SLC9A2: variants seen among roughly 807,000 people sequenced by gnomAD.
SLC9A2 encodes the protein solute carrier family 9 member A2.
A neutral mutation model predicts 71.7 loss-of-function variants in SLC9A2; 42 were observed. That is an observed-to-expected ratio of 0.59 (90% CI 0.46 to 0.76). The LOEUF (loss-of-function observed/expected upper bound fraction) is 0.76, where lower values mean the gene tolerates loss of function less well. SLC9A2 is among the 30% of genes least tolerant of loss of function. SLC9A2 has a pLI of 0.00. For missense variants in SLC9A2, 829 were observed against 1,017.4 expected (o/e 0.81, Z 2.52); for synonymous variants, 396 against 392.5 (o/e 1.01, Z -0.10).
rs61740600 is a variant in SLC9A2 at position 102,657,610 on chromosome 2, C to T, written c.336C>T (p.Cys112=). 1.5e-5 allele frequency: 25 copies of T among 1,613,942 alleles called. No individual in the cohort carries two copies. In the African/African-American group the frequency reaches 2.5e-4, roughly 16 times the overall value. ...HKLPTIVPES[C]LLIMVGLLLG... ...TGCCCACAATAGTGCCTGAGAGCTGCCTTCTTATAATGGTTGGACTTCTAC... is the reference window on the plus strand; with the variant it reads ...TGCCCACAATAGTGCCTGAGAGCTGTCTTCTTATAATGGTTGGACTTCTAC... The change falls in exon 2 of 12, where the codon TGC becomes TGT. Residue 112 remains cysteine, a synonymous_variant. Coordinates refer to ENST00000233969, the MANE Select transcript of SLC9A2 (RefSeq NM_003048.6).
intron 3 of SLC9A2, among the ~76,000 whole-genome samples, chr2:102,679,427 G>T (rs1677407111): frequency 6.6e-6 from 1 of 151,458 alleles, no homozygotes; most frequent in Admixed American, 6.6e-5. Flanking sequence ...GGTTGCCCAG[G>T]CTGGAGTGCA....
intron 1 of SLC9A2, among the ~76,000 whole-genome samples, chr2:102,624,732 T>A (rs184096077): frequency 7.2e-5 from 11 of 152,246 alleles, no homozygotes; most frequent in Admixed American, 7.2e-4. Flanking sequence ...TAAGTTGGAG[T>A]AAGATGCAGA....
chr2:102,661,814 C>T (rs79737239), intron 2 of SLC9A2, among the ~76,000 whole-genome samples: 2,292 of 152,212 alleles, frequency 0.015, 54 homozygotes, highest in African/African-American at 0.05. Context: ...AACTTTGCAC[C>T]GACTCACTAG....
chr2:102,641,473 G>C (rs17775404), intron 1 of SLC9A2, among the ~76,000 whole-genome samples: 1 of 151,240 alleles, frequency 6.6e-6, no homozygotes, highest in Non-Finnish European at 1.5e-5. Context: ...TGCACGTGCC[G>C]TTCTGCTTGA....
intron 1 of SLC9A2, among the ~76,000 whole-genome samples, chr2:102,622,326 G>T (rs897935850): frequency 2.1e-4 from 32 of 152,026 alleles, no homozygotes; most frequent in African/African-American, 7.5e-4. Context: ...CCTGTTCCCT[G>T]TCACTCTCTC....
intron 1 of SLC9A2, among the ~76,000 whole-genome samples, chr2:102,640,888 A>G (rs1487250559): frequency 6.6e-6 from 1 of 152,176 alleles, no homozygotes; most frequent in African/African-American, 2.4e-5. Context: ...TACAAAAGAC[A>G]CTTATCACTC....
Position 102,707,295 on chromosome 2 carries a change from C to CT in SLC9A2, c.2069-817dup, listed in dbSNP as rs1186668605. Among the ~76,000 whole-genome samples, 14 of 70,830 alleles carry CT rather than the reference C, an allele frequency of 2.0e-4. 1 individual carries two copies. Among genetic ancestry groups the CT allele is most frequent in the African/African-American group, 5.2e-4 (11 of 20,968 alleles). 46.5% of individuals were successfully genotyped at this position (70,830 alleles called of 152,430 possible). A position where few individuals can be genotyped will look rare whatever the true frequency, so the allele number is the denominator to read the frequency against. ...GTGGGATGGAAAAATCATTACCCCT[C>CT]TTTTTTTATTTTTTTTTTTTTGCTT... is the stretch of plus-strand genomic sequence containing the variant. On this transcript the variant is annotated intron_variant, in intron 11 of 11. Coordinates refer to ENST00000233969, the MANE Select transcript of SLC9A2 (RefSeq NM_003048.6).
chr2:102,631,995 G>GAT (rs59553931), intron 1 of SLC9A2, among the ~76,000 whole-genome samples: 1,204 of 42,998 alleles, frequency 0.028, 51 homozygotes, highest in Non-Finnish European at 0.043. Flanking sequence ...TGAAAGTGGG[G>GAT]ATATATATAT....
intron 5 of SLC9A2, chr2:102,689,687 C>T (rs986405453): frequency 6.6e-6 from 1 of 152,056 alleles, no homozygotes; most frequent in Non-Finnish European, 1.5e-5. Context: ...GATGATCAGG[C>T]TTTTTTAAGA....
At chr2:102,692,168 T>C (rs895569940) in intron 5 of SLC9A2, among the ~76,000 whole-genome samples, 1 of 152,236 alleles carries the variant, frequency 6.6e-6, no homozygotes. Flanking sequence ...TTACCTTTTG[T>C]GTTATCTCAA....
intron 1 of SLC9A2, among the ~76,000 whole-genome samples, chr2:102,651,260 G>A (rs981930441): frequency 1.1e-4 from 17 of 152,268 alleles, no homozygotes; most frequent in Admixed American, 3.9e-4. Flanking sequence ...TGTTTTCAAC[G>A]GTGGGGACCT....
intron 1 of SLC9A2, among the ~76,000 whole-genome samples, chr2:102,632,035 T>TATAC (rs1198484475): frequency 1.2e-4 from 10 of 80,258 alleles, no homozygotes; most frequent in Non-Finnish European, 1.9e-4. Flanking sequence ...TATATATATA[T>TATAC]ATACATACAC....
chr2:102,655,398 C>T (rs955307126), intron 1 of SLC9A2, among the ~76,000 whole-genome samples: 1 of 152,154 alleles, frequency 6.6e-6, no homozygotes, highest in Non-Finnish European at 1.5e-5. Context: ...AGATGATCCA[C>T]CTGCCTCGGC....
At chr2:102,633,727 T>C (rs1254424088) in intron 1 of SLC9A2, among the ~76,000 whole-genome samples, 1 of 152,156 alleles carries the variant, frequency 6.6e-6, no homozygotes, top group Non-Finnish European at 1.5e-5. Context: ...GTCTTGTCCA[T>C]CATCCATGAT....
intron 1 of SLC9A2, among the ~76,000 whole-genome samples, chr2:102,621,029 C>T (rs1005064184): frequency 5.3e-5 from 8 of 151,772 alleles, no homozygotes; most frequent in Non-Finnish European, 8.8e-5. Context: ...TGGTGGTGGG[C>T]GCCTGTAATC....
intron 1 of SLC9A2, among the ~76,000 whole-genome samples, chr2:102,631,995 GAT>G (rs59553931): frequency 0.071 from 3,058 of 42,878 alleles, 162 homozygotes; most frequent in African/African-American, 0.082. Flanking sequence ...TGAAAGTGGG[GAT>G]ATATATATAT....
intron 1 of SLC9A2, among the ~76,000 whole-genome samples, chr2:102,639,996 GA>G (rs1415116704): frequency 6.6e-6 from 1 of 152,180 alleles, no homozygotes; most frequent in Non-Finnish European, 1.5e-5. Flanking sequence ...AGAGAAAACA[GA>G]AAGGTTGGTA....
At chr2:102,701,308 T>G in intron 8 of SLC9A2, 77 bp downstream of exon 8, 1 of 1,111,756 alleles carries the variant, frequency 9.0e-7, no homozygotes, top group South Asian at 1.6e-5. Flanking sequence ...TAATAATAAT[T>G]TTAAAAAAAT....
At chr2:102,701,646 A>T (rs1340684138) in intron 8 of SLC9A2, among the ~76,000 whole-genome samples, 1 of 152,042 alleles carries the variant, frequency 6.6e-6, no homozygotes, top group East Asian at 1.9e-4. Flanking sequence ...GTGCTTGGGA[A>T]CTCTAGACAG....
Sources: gnomAD v4.1 joint callset for allele counts (sites outside exome capture counted in the v4.1 genomes callset) on GRCh38, gnomAD v4.1.1 for gene constraint, MANE v1.5 for transcripts, NCBI Gene and HGNC (gene_info 2026-07-23, HGNC 2026-07-21) for gene names.